Variants in GALNT13 observed in about 807,000 individuals in gnomAD.
GALNT13 encodes polypeptide N-acetylgalactosaminyltransferase 13, also known as UDP-GalNAc:polypeptide N-acetylgalactosaminyltransferase 13.
In GALNT13, 28 loss-of-function variants were observed where a neutral mutation model predicts 64.2. The observed-to-expected ratio is 0.44, with a 90% CI of 0.32 to 0.60. The LOEUF (loss-of-function observed/expected upper bound fraction) is 0.60. Among genes scored for constraint, GALNT13 ranks in the 20% least tolerant of loss-of-function variants. The pLI, the probability that GALNT13 is intolerant of heterozygous loss-of-function variation, is 0.05. For synonymous variants in GALNT13, 214 were observed against 224.6 expected, an observed-to-expected ratio of 0.95 and a Z score of 0.42; for missense variants, 577 against 669.8, an observed-to-expected ratio of 0.86 and a Z score of 1.53.
intron 2 of GALNT13, among the ~76,000 whole-genome samples, chr2:153,931,542 A>G (rs752576725): frequency 2.0e-5 from 3 of 151,952 alleles, no homozygotes; most frequent in Non-Finnish European, 2.9e-5. Flanking sequence ...TAGTTTGTTG[A>G]AGGTTTTTAA....
chr2:153,192,674 T>C, the GALNT13 span, among the ~76,000 whole-genome samples: 2 of 152,296 alleles, frequency 1.3e-5, no homozygotes, highest in African/African-American at 4.8e-5. Context: ...ATCTAGGTGC[T>C]CCAGTGATGA....
chr2:153,286,931 T>A, the GALNT13 span, among the ~76,000 whole-genome samples: 1 of 152,060 alleles, frequency 6.6e-6, no homozygotes, highest in East Asian at 1.9e-4. Flanking sequence ...AAAAAAAACC[T>A]TATAAACACA....
chr2:153,654,812 T>C, the GALNT13 span, among the ~76,000 whole-genome samples: 2 of 152,146 alleles, frequency 1.3e-5, no homozygotes, highest in Non-Finnish European at 2.9e-5. Context: ...TTAGCATTTG[T>C]GGATTTTGGT....
chr2:154,250,266 C>A (rs971231581), intron 7 of GALNT13, among the ~76,000 whole-genome samples: 2 of 152,010 alleles, frequency 1.3e-5, no homozygotes, highest in African/African-American at 4.8e-5. Flanking sequence ...AAGCAGAACA[C>A]CAATGAGCCA....
chr2:154,187,878 C>A (rs1686346389), intron 4 of GALNT13, among the ~76,000 whole-genome samples: 1 of 151,974 alleles, frequency 6.6e-6, no homozygotes, highest in Non-Finnish European at 1.5e-5. Context: ...GAAATGCAAA[C>A]CCTACTAGTT....
the GALNT13 span, among the ~76,000 whole-genome samples, chr2:153,293,675 A>G: frequency 6.6e-6 from 1 of 152,146 alleles, no homozygotes; most frequent in Non-Finnish European, 1.5e-5. Flanking sequence ...GGAAACCAGT[A>G]TGGATATCCG....
the GALNT13 span, among the ~76,000 whole-genome samples, chr2:153,482,608 T>A: frequency 6.6e-6 from 1 of 152,180 alleles, no homozygotes; most frequent in African/African-American, 2.4e-5. Context: ...GAGCTGGGCT[T>A]ACAGACATGC....
chr2:153,492,404 T>C, the GALNT13 span, among the ~76,000 whole-genome samples: 27 of 152,246 alleles, frequency 1.8e-4, no homozygotes, highest in African/African-American at 6.5e-4. Context: ...AATCCAAAAG[T>C]TTAGCAAACC....
the GALNT13 span, among the ~76,000 whole-genome samples, chr2:153,225,527 TAGATTGGAA>T: frequency 6.6e-6 from 1 of 152,016 alleles, no homozygotes; most frequent in African/African-American, 2.4e-5. Context: ...AAAAGATATA[TAGATTGGAA>T]AGAAATAAAG....
At chr2:154,140,899 T>A in intron 4 of GALNT13, among the ~76,000 whole-genome samples, 1 of 152,320 alleles carries the variant, frequency 6.6e-6, no homozygotes, top group East Asian at 1.9e-4. Flanking sequence ...TTTGTCATTG[T>A]GTAAGCATCA....
chr2:154,426,234 G>A lies in GALNT13; in HGVS notation c.1396-12358G>A, dbSNP rs181411811. On this transcript the variant is annotated intron_variant, in intron 11 of 12. Coordinates refer to ENST00000392825, the MANE Select transcript of GALNT13 (RefSeq NM_052917.4). ...TGTTGTCTGGCTCTCTGCCAGGGTTGCGCTCTGCCAGCAGCTAGAGGCTGC... is the reference window on the plus strand; with the variant it reads ...TGTTGTCTGGCTCTCTGCCAGGGTTACGCTCTGCCAGCAGCTAGAGGCTGC... Among the ~76,000 whole-genome samples the A allele has an allele frequency of 3.5e-3, 531 of 152,308 alleles. 5 individuals carry two copies. Among genetic ancestry groups the A allele is most frequent in the African/African-American group, 0.011 (474 of 41,562 alleles).
chr2:153,607,411 A>G, the GALNT13 span, among the ~76,000 whole-genome samples: 1 of 152,176 alleles, frequency 6.6e-6, no homozygotes, highest in Non-Finnish European at 1.5e-5. Flanking sequence ...TTTTCTAAAT[A>G]TGTTATCAGA....
intron 4 of GALNT13, among the ~76,000 whole-genome samples, chr2:154,184,594 A>T (rs1294542786): frequency 6.6e-6 from 1 of 152,032 alleles, no homozygotes; most frequent in East Asian, 1.9e-4. Flanking sequence ...AGTGTTGCTA[A>T]GAATACCTGA....
the GALNT13 span, among the ~76,000 whole-genome samples, chr2:153,143,384 C>CTATT: frequency 6.6e-6 from 1 of 151,876 alleles, no homozygotes. Context: ...TGGCTCATGC[C>CTATT]CATTAATACC....
the GALNT13 span, among the ~76,000 whole-genome samples, chr2:153,705,949 A>G: frequency 2.0e-5 from 3 of 151,982 alleles, no homozygotes; most frequent in African/African-American, 7.3e-5. Context: ...CTTCCTTTTC[A>G]ATTATCTTTT....
rs923927786 is a variant in GALNT13, at chr2:153,886,211, C to CT, written c.-177+13918dup. ...AAAAACAAATTAACAATGAGGCACT[C>CT]TTTTTTTTTTAAATTATACTTTTAA... On this transcript the variant is annotated intron_variant, in intron 1 of 12. Coordinates refer to ENST00000392825, the MANE Select transcript of GALNT13 (RefSeq NM_052917.4). Among the ~76,000 whole-genome samples the CT allele has an allele frequency of 4.6e-3, 681 of 146,504 alleles. 5 individuals are homozygous for CT. The highest frequency in any genetic ancestry group is 0.016 in the African/African-American group (640 of 39,996).
chr2:154,080,748 A>G (rs1701231837), intron 3 of GALNT13, among the ~76,000 whole-genome samples: 1 of 151,576 alleles, frequency 6.6e-6, no homozygotes, highest in Non-Finnish European at 1.5e-5. Flanking sequence ...AATATTATCA[A>G]TGCACAATTA....
At chr2:154,018,432 C>T (rs1697164454) in intron 3 of GALNT13, among the ~76,000 whole-genome samples, 1 of 152,138 alleles carries the variant, frequency 6.6e-6, no homozygotes, top group South Asian at 2.1e-4. Context: ...TCATAGATAT[C>T]AGTCTCTGCG....
At chr2:154,389,061 G>A (rs557712684) in intron 9 of GALNT13, among the ~76,000 whole-genome samples, 7 of 152,136 alleles carry the variant, frequency 4.6e-5, no homozygotes, top group South Asian at 4.1e-4. Context: ...ATTTTAATAC[G>A]AGAGTTGTAT....
Sources: allele counts gnomAD v4.1 joint callset (sites outside exome capture counted in the v4.1 genomes callset), GRCh38; gene constraint gnomAD v4.1.1; transcripts MANE v1.5; gene names NCBI Gene and HGNC (gene_info 2026-07-23, HGNC 2026-07-21).